AGXT2: variants seen among roughly 807,000 people sequenced by gnomAD.
The protein encoded by AGXT2 is alanine--glyoxylate aminotransferase 2, also known as alanine--glyoxylate aminotransferase 2, mitochondrial.
AGXT2 carries 61 observed loss-of-function variants against 62.5 expected under a neutral mutation model. The ratio of observed to expected loss-of-function variants is 0.98; its 90% CI spans 0.79 to 1.21. The LOEUF is 1.21. Among genes scored for constraint, AGXT2 ranks in the 50% most tolerant of loss-of-function variants. The pLI, the probability that AGXT2 is intolerant of heterozygous loss-of-function variation, is 0.00. For missense variants in AGXT2, 666 were observed against 641.5 expected, an observed-to-expected ratio of 1.04 and a Z score of -0.41; for synonymous variants, 243 against 218.7, an observed-to-expected ratio of 1.11 and a Z score of -0.98.
Position 35,047,924 on chromosome 5 carries a change from A to C in AGXT2, c.-32T>G. The C allele has an allele frequency of 6.2e-7, 1 of 1,613,540 alleles. No homozygotes were observed. The highest frequency in any genetic ancestry group is 8.5e-7 in the Non-Finnish European group (1 of 1,179,748). ...CACTCAGAAAGCCAACCCCCATGGAAGCAGATTGGAGGCCGGGCTCTAACT... is the reference window on the plus strand; with the variant it reads ...CACTCAGAAAGCCAACCCCCATGGACGCAGATTGGAGGCCGGGCTCTAACT... On this transcript the variant is annotated 5_prime_UTR_variant, in exon 1 of 14. Coordinates refer to ENST00000231420, the MANE Select transcript of AGXT2 (RefSeq NM_031900.4).
chr5:35,023,860 AATAT>A (rs1767218402), intron 9 of AGXT2, among the ~76,000 whole-genome samples: 4 of 128,038 alleles, frequency 3.1e-5, no homozygotes, highest in South Asian at 5.3e-4. Flanking sequence ...AGCTGTAGGG[AATAT>A]TTATTTATTT....
chr5:35,017,384 G>T (rs558377505), intron 9 of AGXT2, among the ~76,000 whole-genome samples: 1 of 152,180 alleles, frequency 6.6e-6, no homozygotes. Context: ...ATGAATTGTA[G>T]CTCCCATAAT....
chr5:35,045,578 G>A (rs1286990487), intron 1 of AGXT2, among the ~76,000 whole-genome samples: 2 of 152,024 alleles, frequency 1.3e-5, no homozygotes, highest in African/African-American at 4.8e-5. Context: ...TGTATATATT[G>A]CACATGGCAG....
intron 2 of AGXT2, among the ~76,000 whole-genome samples, chr5:35,039,870 A>T (rs1044102110): frequency 1.3e-5 from 2 of 152,216 alleles, no homozygotes; most frequent in African/African-American, 4.8e-5. Context: ...TTGTTGTGGT[A>T]GTGTTTTAAA....
At chr5:35,036,825 C>G (rs1341880872) in intron 4 of AGXT2, 117 bp downstream of exon 4, 2 of 1,495,068 alleles carry the variant, frequency 1.3e-6, no homozygotes, top group African/African-American at 1.4e-5. Context: ...CTGCCCATGT[C>G]CCTGCTTCCT....
chr5:35,040,601 A>G lies in AGXT2; in HGVS notation c.151T>C (p.Cys51Arg). Residue 51 changes from cysteine to arginine, a missense_variant, in exon 2 of 14, where the codon TGT becomes CGT. Coordinates refer to ENST00000231420, the MANE Select transcript of AGXT2 (RefSeq NM_031900.4). ...TGGTATCTTTCAGGCATGAAGTCAC[A>G]TGGAGGCATTCTGGGCTTTGTATGA... ...SLHTKPRMPP[C>R]DFMPERYQSL... 1.2e-6 allele frequency: 2 copies of G among 1,613,966 alleles called. No individual in the cohort carries two copies. The highest frequency in any genetic ancestry group is 1.3e-5 in the African/African-American group (1 of 75,046).
At chr5:35,022,955 A>C (rs1489571547) in intron 9 of AGXT2, among the ~76,000 whole-genome samples, 2 of 151,606 alleles carry the variant, frequency 1.3e-5, no homozygotes, top group East Asian at 3.9e-4. Flanking sequence ...GTTAGCATAA[A>C]AGAGTCTTGG....
intron 9 of AGXT2, among the ~76,000 whole-genome samples, chr5:35,025,325 C>T (rs752562326): frequency 1.3e-5 from 2 of 152,098 alleles, no homozygotes; most frequent in Admixed American, 6.5e-5. Flanking sequence ...TGCGGTGAGT[C>T]GAGATTGTAC....
intron 3 of AGXT2, 48 bp downstream of exon 3, chr5:35,039,276 C>T: frequency 6.3e-7 from 1 of 1,584,488 alleles, no homozygotes; most frequent in Admixed American, 1.7e-5. Flanking sequence ...TAATTGTTTT[C>T]CATGCATTCT....
rs1356166735 is a variant in AGXT2, at chr5:35,021,142, C to T, written c.963+4621G>A. Among the ~76,000 whole-genome samples, 4 of 152,256 alleles carry T rather than the reference C, an allele frequency of 2.6e-5. No individual in the cohort carries two copies. In the East Asian group the frequency reaches 7.7e-4, roughly 29 times the overall value. On this transcript the variant is annotated intron_variant, in intron 9 of 13. Coordinates refer to ENST00000231420, the MANE Select transcript of AGXT2 (RefSeq NM_031900.4). ...AGAATCAATATCGTGAAAATGGCCA[C>T]ACTGCCCAAGGTAATTTACAGATTC...
chr5:35,030,031 T>C (rs960663664), intron 7 of AGXT2, among the ~76,000 whole-genome samples: 5 of 152,234 alleles, frequency 3.3e-5, no homozygotes, highest in African/African-American at 1.2e-4. Context: ...AGGCAACATC[T>C]ATAGTCAAAG....
At chr5:35,037,087 G>C (rs760131807) in intron 3 of AGXT2, 22 bp from the exon 4 acceptor site, 2 of 1,613,470 alleles carry the variant, frequency 1.2e-6, no homozygotes, top group South Asian at 2.2e-5. Flanking sequence ...GTACAGCAGA[G>C]TTACCTGCAC....
intron 9 of AGXT2, among the ~76,000 whole-genome samples, chr5:35,018,909 G>A (rs1463277491): frequency 6.9e-6 from 1 of 144,384 alleles, no homozygotes; most frequent in Non-Finnish European, 1.5e-5. Flanking sequence ...ACAAAAAAAG[G>A]CAGGGGTTGC....
intron 8 of AGXT2, 151 bp downstream of exon 8, chr5:35,026,259 C>A (rs1224604488): frequency 9.8e-6 from 7 of 712,352 alleles, no homozygotes; most frequent in Non-Finnish European, 1.7e-5. Context: ...TGAAAGTCAG[C>A]GTCTTCTTTT....
chr5:35,000,627 C>A (rs1056784754), intron 13 of AGXT2, among the ~76,000 whole-genome samples: 1 of 152,190 alleles, frequency 6.6e-6, no homozygotes, highest in Non-Finnish European at 1.5e-5. Flanking sequence ...AGTGATCTGC[C>A]GCTTCGGCCT....
At chr5:35,046,062 C>T (rs995614798) in intron 1 of AGXT2, among the ~76,000 whole-genome samples, 5 of 152,108 alleles carry the variant, frequency 3.3e-5, no homozygotes, top group African/African-American at 7.2e-5. Flanking sequence ...CCACCGCACC[C>T]GGCCAGTGGT....
intron 9 of AGXT2, among the ~76,000 whole-genome samples, chr5:35,014,791 G>A (rs1766790489): frequency 6.6e-6 from 1 of 152,190 alleles, no homozygotes. Context: ...CTCTGTGTAA[G>A]AAAGCAGGAT....
At chr5:35,040,861 T>C (rs1767958342) in intron 1 of AGXT2, among the ~76,000 whole-genome samples, 198 bp from the exon 2 acceptor site, 1 of 149,778 alleles carries the variant, frequency 6.7e-6, no homozygotes, top group South Asian at 2.2e-4. Flanking sequence ...ATAGTTCTTC[T>C]CAAATATAGT....
At chr5:35,029,083 G>A (rs1473234096) in intron 7 of AGXT2, among the ~76,000 whole-genome samples, 1 of 152,232 alleles carries the variant, frequency 6.6e-6, no homozygotes, top group African/African-American at 2.4e-5. Context: ...GGAGGTTGGA[G>A]GTTAAGGGTG....
Sources: allele counts gnomAD v4.1 joint callset (sites outside exome capture counted in the v4.1 genomes callset), GRCh38; gene constraint gnomAD v4.1.1; transcripts MANE v1.5; gene names NCBI Gene and HGNC (gene_info 2026-07-23, HGNC 2026-07-21).